FAM185A: variants seen among roughly 807,000 people sequenced by gnomAD.
The protein encoded by FAM185A is family with sequence similarity 185 member A.
Under a neutral mutation model 45.7 loss-of-function variants are expected in FAM185A, and 21 were observed. The ratio of observed to expected loss-of-function variants is 0.46; its 90% confidence interval spans 0.33 to 0.66. The LOEUF (loss-of-function observed/expected upper bound fraction) is 0.66. Among genes scored for constraint, FAM185A ranks in the 30% least tolerant of loss-of-function variants. The pLI, the probability that FAM185A is intolerant of heterozygous loss-of-function variation, is 0.03. For synonymous variants in FAM185A, 117 were observed against 194.0 expected (o/e 0.60, Z 3.30); for missense variants, 305 against 485.4 (o/e 0.63, Z 3.49).
the FAM185A span, among the ~76,000 whole-genome samples, chr7:102,819,014 C>T: frequency 1.3e-5 from 2 of 152,084 alleles, no homozygotes; most frequent in African/African-American, 4.8e-5. Flanking sequence ...CATGTGTTGT[C>T]ATCATTTAGC....
the FAM185A span, among the ~76,000 whole-genome samples, chr7:102,831,903 T>C: frequency 6.6e-6 from 1 of 152,224 alleles, no homozygotes; most frequent in Non-Finnish European, 1.5e-5. Flanking sequence ...AGTCTACTAT[T>C]ATTAATCCAG....
intron 7 of FAM185A, among the ~76,000 whole-genome samples, chr7:102,797,190 C>T (rs949135124): frequency 6.2e-4 from 95 of 152,286 alleles, no homozygotes; most frequent in African/African-American, 2.1e-3. Flanking sequence ...AGGCTGGGCA[C>T]GGTGGCTCAC....
the FAM185A span, chr7:102,832,932 A>G: frequency 6.2e-7 from 1 of 1,614,232 alleles, no homozygotes; most frequent in South Asian, 1.1e-5. Context: ...GAGCAATAAG[A>G]GACATCCAAA....
rs191380410 is a variant in FAM185A at position 102,805,324 on chromosome 7, T to C, written c.1067-2966T>C. ...AAGTGGATAAAGAAACTGGAATATATATATATGACGGAATACTGCTCGGCC... is the reference window on the plus strand; with the variant it reads ...AAGTGGATAAAGAAACTGGAATATACATATATGACGGAATACTGCTCGGCC... On this transcript the variant is annotated intron_variant, in intron 7 of 7. Transcript: ENST00000413034. Among the ~76,000 whole-genome samples, 771 of 152,186 alleles carry C rather than the reference T, an allele frequency of 5.1e-3. 1 individual carries two copies. The highest frequency in any genetic ancestry group is 8.3e-3 in the South Asian group (40 of 4,826).
chr7:102,842,827 G>A, the FAM185A span, among the ~76,000 whole-genome samples: 1 of 152,238 alleles, frequency 6.6e-6, no homozygotes, highest in African/African-American at 2.4e-5. Flanking sequence ...ACAAGACTCA[G>A]AACTCTGAAC....
In FAM185A at chr7:102,787,221, G is replaced by A. The variant is rs1206064464; in HGVS notation, c.932-114G>A. The A allele has an allele frequency of 4.2e-6, 4 of 957,314 alleles. No individual in the cohort carries two copies. In the East Asian group the frequency reaches 1.2e-4, roughly 29 times the overall value. 59.3% of individuals were successfully genotyped at this position (957,314 alleles called of 1,614,324 possible). ...AAGGTTTAAATAAATACTGTATGCT[G>A]AGGAGTAAAAACAGTGTCTCAGGAG... is the stretch of plus-strand genomic sequence containing the variant. On this transcript the variant is annotated intron_variant, in intron 6 of 7. Transcript: ENST00000413034.
the FAM185A span, chr7:102,822,124 A>C: frequency 6.2e-7 from 1 of 1,614,248 alleles, no homozygotes; most frequent in African/African-American, 1.3e-5. Flanking sequence ...TTGGTCAGTA[A>C]GCAAGACACA....
At chr7:102,834,099 AAAG>A in the FAM185A span, among the ~76,000 whole-genome samples, 1,807 of 96,400 alleles carry the variant, frequency 0.019, 49 homozygotes, top group Non-Finnish European at 0.021. Flanking sequence ...AGAAAGAAAG[AAAG>A]AAAGAAAGAA....
chr7:102,833,048 T>TAAATGTAC, the FAM185A span: 20 of 1,501,418 alleles, frequency 1.3e-5, no homozygotes, highest in African/African-American at 2.4e-4. Context: ...AGTAGCTTAT[T>TAAATGTAC]AAATGTACAT....
downstream of FAM185A, among the ~76,000 whole-genome samples, chr7:102,811,545 C>A (rs1797435109): frequency 6.6e-6 from 1 of 152,148 alleles, no homozygotes; most frequent in African/African-American, 2.4e-5. Flanking sequence ...ACTCAAAGAG[C>A]TTTGGAGCAA....
chr7:102,834,449 A>ATG, the FAM185A span, among the ~76,000 whole-genome samples: 1 of 114,942 alleles, frequency 8.7e-6, no homozygotes, highest in Non-Finnish European at 1.7e-5. Context: ...TATTATATAT[A>ATG]TGTGATTATA....
At chr7:102,788,742 A>G (rs1413539083) in intron 7 of FAM185A, among the ~76,000 whole-genome samples, 4 of 152,322 alleles carry the variant, frequency 2.6e-5, no homozygotes, top group South Asian at 4.1e-4. Flanking sequence ...GTGAACTTAT[A>G]CAAACCTAGA....
the FAM185A span, among the ~76,000 whole-genome samples, chr7:102,841,168 T>C: frequency 6.6e-6 from 1 of 151,540 alleles, no homozygotes; most frequent in Admixed American, 6.6e-5. Context: ...AACCTAAACA[T>C]AGGTTTAAAA....
At chr7:102,753,047 A>T (rs1562841184) in intron 2 of FAM185A, among the ~76,000 whole-genome samples, 1 of 152,148 alleles carries the variant, frequency 6.6e-6, no homozygotes, top group Non-Finnish European at 1.5e-5. Context: ...AATCAGTTCA[A>T]ATAAATTTTT....
At chr7:102,795,612 A>T (rs1796399548) in intron 7 of FAM185A, among the ~76,000 whole-genome samples, 1 of 152,246 alleles carries the variant, frequency 6.6e-6, no homozygotes, top group African/African-American at 2.4e-5. Context: ...ATGAGAGTCG[A>T]TAAAGATCAA....
At chr7:102,799,950 C>T (rs1262793767) in intron 7 of FAM185A, among the ~76,000 whole-genome samples, 1 of 152,128 alleles carries the variant, frequency 6.6e-6, no homozygotes, top group Non-Finnish European at 1.5e-5. Flanking sequence ...AGGAATAAAT[C>T]AGGAAACCTA....
At chr7:102,847,027 T>A in the FAM185A span, among the ~76,000 whole-genome samples, 3 of 152,212 alleles carry the variant, frequency 2.0e-5, no homozygotes, top group Admixed American at 1.3e-4. Flanking sequence ...GAAAATGATA[T>A]GAAATTCAAA....
At chr7:102,755,354 T>C in intron 2 of FAM185A, 1 of 581,710 alleles carries the variant, frequency 1.7e-6, no homozygotes, top group Middle Eastern at 4.6e-4. Context: ...AGATCCATAC[T>C]CTATAAGCAG....
chr7:102,799,213 G>C (rs1181002396), intron 7 of FAM185A, among the ~76,000 whole-genome samples: 1 of 152,140 alleles, frequency 6.6e-6, no homozygotes. Context: ...TTAACACAGG[G>C]ATTTACCAAT....
Sources: gnomAD v4.1 joint callset for allele counts (sites outside exome capture counted in the v4.1 genomes callset) on GRCh38, gnomAD v4.1.1 for gene constraint, MANE v1.5 for transcripts, NCBI Gene and HGNC (gene_info 2026-07-23, HGNC 2026-07-21) for gene names.